The following PCGF5 variants were observed in gnomAD, a reference collection of about 807,000 sequenced individuals.
The protein encoded by PCGF5 is polycomb group ring finger 5.
PCGF5 carries 9 observed loss-of-function variants against 44.3 expected under a neutral mutation model. The ratio of observed to expected loss-of-function variants is 0.20; its 90% CI spans 0.12 to 0.35. The LOEUF is 0.35. Among genes scored for constraint, PCGF5 ranks in the 10% least tolerant of loss-of-function variants. PCGF5 has a pLI of 1.00. For synonymous variants in PCGF5, 95 were observed against 102.5 expected, an observed-to-expected ratio of 0.93 and a Z score of 0.44; for missense variants, 146 against 305.3, an observed-to-expected ratio of 0.48 and a Z score of 3.89.
intron 1 of PCGF5, among the ~76,000 whole-genome samples, chr10:91,174,436 G>A (rs1056044050): frequency 6.6e-6 from 1 of 152,120 alleles, no homozygotes; most frequent in African/African-American, 2.4e-5. Flanking sequence ...GAACCCAGGA[G>A]GTGGAGATTG....
rs368473545 is a variant in PCGF5, at chr10:91,181,392, GT to G, written c.-184+18313del. 1.2e-3 allele frequency among the ~76,000 whole-genome samples: 182 copies of G among 152,242 alleles called. 5 individuals carry two copies. The South Asian group carries it at 0.036, about 30-fold the overall frequency. ...CCCTGGCCGGAACTTTGAATACTAT[GT>G]TGAATAGGAGTAGCCAGACAGGGCA... On this transcript the variant is annotated intron_variant, in intron 1 of 9. Coordinates refer to the PCGF5 transcript ENST00000614189.
intron 1 of PCGF5, among the ~76,000 whole-genome samples, chr10:91,167,249 C>A (rs1843516253): frequency 6.6e-6 from 1 of 152,004 alleles, no homozygotes; most frequent in African/African-American, 2.4e-5. Context: ...ATCCAGCTTA[C>A]TATATATATA....
chr10:91,209,775 AG>A (rs1201903285), intron 1 of PCGF5, among the ~76,000 whole-genome samples: 76 of 82 alleles, frequency 0.93, 37 homozygotes, highest in African/African-American at 1. Flanking sequence ...AGAAAAAAAA[AG>A]AAAAAAAAAA....
chr10:91,174,390 C>T (rs1443223551), intron 1 of PCGF5, among the ~76,000 whole-genome samples: 1 of 151,980 alleles, frequency 6.6e-6, no homozygotes, highest in African/African-American at 2.4e-5. Flanking sequence ...GCCTGTAATC[C>T]CAGCCACTGG....
upstream of PCGF5, among the ~76,000 whole-genome samples, chr10:91,215,410 A>G (rs1392663275): frequency 6.6e-6 from 1 of 152,248 alleles, no homozygotes; most frequent in African/African-American, 2.4e-5. Flanking sequence ...AAAAAGCTAG[A>G]AAAGGAGAAT....
rs1235205862 is a variant in PCGF5, at chr10:91,283,509, G to A, written c.*5193G>A. 6.6e-6 allele frequency: 1 copy of A among 152,160 alleles called. No homozygotes were observed. Among genetic ancestry groups the A allele is most frequent in the African/African-American group, 2.4e-5 (1 of 41,436 alleles). 9.4% of individuals were successfully genotyped at this position (152,160 alleles called of 1,614,324 possible). The stretch of plus-strand genomic sequence containing the variant: ...TGCAAATGAAGATTAAATATTTCTG[G>A]GTGATGGAGAGATAGTCAACAAATT... On this transcript the variant is annotated 3_prime_UTR_variant, in exon 10 of 10. Coordinates refer to ENST00000336126, the MANE Select transcript of PCGF5 (RefSeq NM_032373.5).
intron 1 of PCGF5, among the ~76,000 whole-genome samples, chr10:91,192,256 T>A (rs1448204618): frequency 6.6e-6 from 1 of 152,244 alleles, no homozygotes; most frequent in Non-Finnish European, 1.5e-5. Context: ...TTAGTTTATT[T>A]TTCTATACAT....
At chr10:91,192,915 AAGGGACTTTCC>A (rs543758282) in intron 1 of PCGF5, among the ~76,000 whole-genome samples, 212 of 152,316 alleles carry the variant, frequency 1.4e-3, no homozygotes, top group South Asian at 4.6e-3. Context: ...TACATGGCAA[AAGGGACTTTCC>A]AGACCTAATT....
At chr10:91,220,038 G>A (rs1434175407), upstream of PCGF5, 2 of 152,114 alleles carry the variant, frequency 1.3e-5, no homozygotes, top group Non-Finnish European at 2.9e-5. Context: ...TGCAGTGAAT[G>A]GTCTCTTGTA....
chr10:91,236,272 A>G (rs887434157), intron 2 of PCGF5, among the ~76,000 whole-genome samples: 2 of 152,198 alleles, frequency 1.3e-5, no homozygotes, highest in Admixed American at 6.5e-5. Context: ...CAGGCTCTCC[A>G]GCACTACATT....
chr10:91,184,853 A>C (rs562193745), intron 1 of PCGF5, among the ~76,000 whole-genome samples: 6 of 152,294 alleles, frequency 3.9e-5, no homozygotes, highest in African/African-American at 1.4e-4. Context: ...TGAAGGCTAC[A>C]AAGCAACAAA....
chr10:91,189,339 A>G (rs1450978730), intron 1 of PCGF5, among the ~76,000 whole-genome samples: 2 of 152,164 alleles, frequency 1.3e-5, no homozygotes, highest in South Asian at 2.1e-4. Flanking sequence ...TCTCCACTAG[A>G]CAGTGCACTC....
rs143433812 is a variant in PCGF5, at chr10:91,278,990, A to C, written c.*674A>C. On this transcript the variant is annotated 3_prime_UTR_variant, in exon 10 of 10. Coordinates refer to ENST00000336126, the MANE Select transcript of PCGF5 (RefSeq NM_032373.5). The stretch of plus-strand genomic sequence containing the variant: ...TGTTAGCCCTCCAGATTGAAAATGT[A>C]TGTGACCTCTTGAACTGAAGTTAGA... 1 of 152,628 alleles carries C rather than the reference A, an allele frequency of 6.6e-6. No individual in the cohort carries two copies. Among genetic ancestry groups the C allele is most frequent in the African/African-American group, 2.4e-5 (1 of 41,442 alleles). The allele number at this position is 152,628 out of a possible 1,614,324, so 9.5% of individuals were successfully genotyped here. A position where few individuals can be genotyped will look rare whatever the true frequency, so the allele number is the denominator to read the frequency against.
At position 91,271,002 on chromosome 10, in the gene PCGF5, C is replaced by G. The variant is rs538811990; in HGVS notation, c.664-636C>G. Among the ~76,000 whole-genome samples, 32 of 150,696 alleles carry G rather than the reference C, an allele frequency of 2.1e-4. 1 individual carries two copies. The highest frequency in any genetic ancestry group is 9.2e-4 in the Admixed American group (14 of 15,200). On this transcript the variant is annotated intron_variant, in intron 8 of 9. Transcript: ENST00000336126. ...CTACTCAATAGTTTTAAAGTGTGTT[C>G]ACTCATTGCTTTACTCATAAAACAT...
In PCGF5 at chr10:91,248,497, T is replaced by A. The variant is rs1202838329; in HGVS notation, c.210-8T>A. 6.2e-7 allele frequency: 1 copy of A among 1,609,856 alleles called. No homozygotes were observed. Among genetic ancestry groups the A allele is most frequent in the Admixed American group, 1.7e-5 (1 of 59,874 alleles). ...TTGTTAGTATTTTCTTTCTCCCCCC[T>A]TTCGAAGGTTGGACAATACATTAGA... On this transcript the variant is annotated splice_region_variant and splice_polypyrimidine_tract_variant and intron_variant, in intron 3 of 9. Coordinates refer to ENST00000336126, the MANE Select transcript of PCGF5 (RefSeq NM_032373.5).
chr10:91,179,239 G>A (rs1005222743), intron 1 of PCGF5, among the ~76,000 whole-genome samples: 3 of 152,162 alleles, frequency 2.0e-5, no homozygotes, highest in African/African-American at 7.2e-5. Context: ...CAGAGGAATA[G>A]GAGGAAAGCA....
chr10:91,233,796 G>A (rs1461075643), intron 2 of PCGF5, among the ~76,000 whole-genome samples: 2 of 152,152 alleles, frequency 1.3e-5, no homozygotes, highest in Non-Finnish European at 2.9e-5. Flanking sequence ...ATCAAGAAAT[G>A]TGTATGAAGA....
At chr10:91,220,318 A>G (rs1386465048), upstream of PCGF5, 4 of 152,348 alleles carry the variant, frequency 2.6e-5, no homozygotes, top group Admixed American at 2.0e-4. Flanking sequence ...TGAAGAGACA[A>G]ATTCTCAGGG....
At chr10:91,158,097 G>T (rs1170805265), upstream of PCGF5, among the ~76,000 whole-genome samples, 2 of 152,202 alleles carry the variant, frequency 1.3e-5, no homozygotes, top group African/African-American at 4.8e-5. Flanking sequence ...ACACCCATAT[G>T]TAGAATACAG....
Sources: gnomAD v4.1 joint callset for allele counts (sites outside exome capture counted in the v4.1 genomes callset) on GRCh38, gnomAD v4.1.1 for gene constraint, MANE v1.5 for transcripts, NCBI Gene and HGNC (gene_info 2026-07-23, HGNC 2026-07-21) for gene names.